The following AGAP3 variants were observed in gnomAD, a reference collection of about 807,000 sequenced individuals.
AGAP3 encodes the protein ArfGAP with GTPase domain, ankyrin repeat and PH domain 3.
Under a neutral mutation model 96.9 loss-of-function variants are expected in AGAP3, and 24 were observed. The observed-to-expected ratio is 0.25, with a 90% CI of 0.18 to 0.35. AGAP3 has a LOEUF of 0.35. Ranked by LOEUF, AGAP3 falls within the 10% of genes least tolerant of loss-of-function variation. The probability of loss-of-function intolerance (pLI) is 1.00; values close to 1 mark genes in which losing one functional copy is unlikely to be tolerated. For synonymous variants in AGAP3, 563 were observed against 536.1 expected, an observed-to-expected ratio of 1.05 and a Z score of -0.69; for missense variants, 876 against 1,254.2, an observed-to-expected ratio of 0.70 and a Z score of 4.55.
intron 1 of AGAP3, chr7:151,115,037 G>C: frequency 1.0e-6 from 1 of 995,976 alleles, no homozygotes; most frequent in Admixed American, 6.1e-5. Context: ...GCCGGGGCCT[G>C]GCGCCCTCGG....
At position 151,143,805 on chromosome 7, in the gene AGAP3, C is replaced by G. The variant is rs372921776; in HGVS notation, c.2598C>G (p.Gly866=). The change falls in exon 18 of 18, where the codon GGC becomes GGG. Residue 866 remains glycine (G), a synonymous_variant. Coordinates refer to ENST00000397238, the MANE Select transcript of AGAP3 (RefSeq NM_031946.7). This position sits in a 1 kb window ranked among gnomAD's most constrained non-coding sequence, Gnocchi z 5.9. ...CACTGGCATATGCTCGCCGGGCCGG[C>G]AGCCAGGAGTGTGCAGACATCTTGA... ...LTPLAYARRA[G]SQECADILIQ... is the part of the protein sequence containing the mutation. The G allele has an allele frequency of 5.1e-5, 83 of 1,614,008 alleles. No individual in the cohort carries two copies. The highest frequency in any genetic ancestry group is 6.3e-5 in the Non-Finnish European group (74 of 1,180,050).
chr7:151,123,647 C>G (rs1800025813), intron 8 of AGAP3, 147 bp from the exon 9 acceptor site: 1 of 1,494,000 alleles, frequency 6.7e-7, no homozygotes, highest in Non-Finnish European at 8.9e-7. Flanking sequence ...CTCGTGGTCT[C>G]AGTTCCTTCC....
intron 3 of AGAP3, 85 bp from the exon 4 acceptor site, chr7:151,117,286 C>T (rs1261379388): frequency 3.1e-6 from 5 of 1,596,528 alleles, no homozygotes; most frequent in Non-Finnish European, 4.3e-6. Context: ...AGTCCTCTTC[C>T]CTCCCGCATG....
intron 12 of AGAP3, 109 bp downstream of exon 12, chr7:151,138,422 G>A (rs935287248): frequency 5.3e-6 from 7 of 1,315,226 alleles, no homozygotes; most frequent in African/African-American, 1.5e-5. Flanking sequence ...ACAGTGTCCA[G>A]GCCAAGGGGT....
Position 151,139,963 on chromosome 7 carries a change from A to C in AGAP3, c.1667-16A>C, listed in dbSNP as rs202139525. ...CCTCCCTTCTTCCCACACTTCTCCA[A>C]CTCTCCCCTCACCAGCCAGTGGCCC... On this transcript the variant is annotated splice_polypyrimidine_tract_variant and intron_variant, in intron 12 of 17. Coordinates refer to ENST00000397238, the MANE Select transcript of AGAP3 (RefSeq NM_031946.7). This position sits in a 1 kb window ranked among gnomAD's most constrained non-coding sequence, Gnocchi z 4.9. 2.2e-4 allele frequency: 331 copies of C among 1,517,960 alleles called. No homozygotes were observed. In the East Asian group the frequency reaches 8.5e-3, roughly 39 times the overall value. 94.0% of individuals were successfully genotyped at this position (1,517,960 alleles called of 1,614,324 possible).
chr7:151,117,590 T>C, intron 4 of AGAP3, 46 bp from the exon 5 acceptor site: 1 of 1,612,198 alleles, frequency 6.2e-7, no homozygotes, highest in Non-Finnish European at 8.5e-7. Context: ...GCATGGGAGT[T>C]TGCCAGGTCC....
At chr7:151,124,956 GC>G (rs1477941519) in intron 9 of AGAP3, among the ~76,000 whole-genome samples, 1 of 152,234 alleles carries the variant, frequency 6.6e-6, no homozygotes, top group Non-Finnish European at 1.5e-5. Flanking sequence ...CCCCAGTTGG[GC>G]CAGACTACTG....
At chr7:151,120,383 C>T in intron 8 of AGAP3, 1 of 654,896 alleles carries the variant, frequency 1.5e-6, no homozygotes, top group Non-Finnish European at 2.7e-6. Flanking sequence ...TCCCCACAGT[C>T]CTCCCTGCCC....
At position 151,118,428 on chromosome 7, in the gene AGAP3, T is replaced by C; in HGVS notation, c.842-77T>C. The C allele has an allele frequency of 6.3e-7, 1 of 1,599,442 alleles. No individual in the cohort carries two copies. The highest frequency in any genetic ancestry group is 8.6e-7 in the Non-Finnish European group (1 of 1,168,860). On this transcript the variant is annotated intron_variant, in intron 6 of 17. Transcript: ENST00000397238. This position sits in a 1 kb window ranked among gnomAD's most constrained non-coding sequence, Gnocchi z 6.1. ...AAGGCTCCCAGTGAGAGCAAGGCTG[T>C]GTGTCTGGGGGGAGGTGCTAAGCCA...
Position 151,140,424 on chromosome 7 carries a change from C to CTG in AGAP3, c.1804+310_1804+311dup, listed in dbSNP as rs771957278. ...GATGTTCGGGCAGGACCTGTGTTTT[C>CTG]TGTCTCTTGTGTCATACCGAGTTTA... On this transcript the variant is annotated intron_variant, in intron 13 of 17. Coordinates refer to ENST00000397238, the MANE Select transcript of AGAP3 (RefSeq NM_031946.7). This position sits in a 1 kb window ranked among gnomAD's most constrained non-coding sequence, Gnocchi z 5.4. The CTG allele has an allele frequency of 1.5e-4, 31 of 211,932 alleles. No individual in the cohort carries two copies. The highest frequency in any genetic ancestry group is 1.6e-3 in the Middle Eastern group (1 of 616). 13.1% of individuals were successfully genotyped at this position (211,932 alleles called of 1,614,324 possible).
intron 1 of AGAP3, among the ~76,000 whole-genome samples, chr7:151,094,552 C>T (rs751666074): frequency 6.6e-6 from 1 of 151,832 alleles, no homozygotes; most frequent in Non-Finnish European, 1.5e-5. Context: ...TGATCACTAG[C>T]TATTTCATTA....
chr7:151,137,692 C>T (rs574146827), intron 11 of AGAP3: 1 of 163,116 alleles, frequency 6.1e-6, no homozygotes, highest in South Asian at 2.0e-4. Context: ...ACTAATTAGA[C>T]ATAATTACTT....
chr7:151,134,185 C>A (rs1019105416), intron 10 of AGAP3, among the ~76,000 whole-genome samples: 7 of 152,170 alleles, frequency 4.6e-5, no homozygotes, highest in African/African-American at 1.7e-4. Flanking sequence ...ACTCTACCTC[C>A]CTCCTGGCAG....
chr7:151,123,842 A>G lies in AGAP3; in HGVS notation c.1177A>G (p.Lys393Glu), dbSNP rs1235466450. The G allele has an allele frequency of 6.2e-7, 1 of 1,612,346 alleles. No homozygotes were observed. The highest frequency in any genetic ancestry group is 1.3e-5 in the African/African-American group (1 of 75,028). ...LDREKKAAEC[K>E]VDSIGSGRAI... ...CCGGGAGAAGAAGGCTGCCGAGTGC[A>G]AGGTGGACAGCATCGGGAGCGGCCG... The change falls in exon 9 of 18, where the codon AAG (lysine) becomes GAG (glutamate). Residue 393 changes from lysine (K) to glutamate (E), a missense_variant. Transcript: ENST00000397238.
intron 9 of AGAP3, 25 bp downstream of exon 9, chr7:151,123,911 T>C (rs1289518845): frequency 1.3e-6 from 2 of 1,597,178 alleles, no homozygotes; most frequent in Non-Finnish European, 1.7e-6. Flanking sequence ...TCCCGTGTGC[T>C]CCAGGGCTCA....
rs773884793 is a variant in AGAP3, at chr7:151,086,911, C to A, written c.170C>A (p.Pro57His). The A allele has an allele frequency of 1.2e-5, 19 of 1,524,718 alleles. No individual in the cohort carries two copies. Among genetic ancestry groups the A allele is most frequent in the Non-Finnish European group, 9.7e-6 (11 of 1,135,090 alleles). 94.4% of individuals were successfully genotyped at this position (1,524,718 alleles called of 1,614,324 possible). ...GGPSQQLAGG[P>H]PQQFALSNSA... Reference sequence around the variant, plus strand: ...CCCTCGCAGCAGCTGGCCGGCGGGCCCCCCCAGCAGTTCGCGCTCTCCAAC... The same window carrying A: ...CCCTCGCAGCAGCTGGCCGGCGGGCACCCCCAGCAGTTCGCGCTCTCCAAC... The change falls in exon 1 of 18, where the codon CCC becomes CAC. Residue 57 changes from proline (P) to histidine (H), a missense_variant. Coordinates refer to ENST00000397238, the MANE Select transcript of AGAP3 (RefSeq NM_031946.7).
In AGAP3 at chr7:151,118,614, G is replaced by A. The variant is rs201733562; in HGVS notation, c.951G>A (p.Pro317=). The part of the protein sequence containing the change: ...SHSAVSAASI[P]AVHINQATNG... ...CGGCCGTGTCCGCCGCCTCCATCCCGGCCGTGCACATCAACCAGGTTCGGC... is the reference window on the plus strand; with the variant it reads ...CGGCCGTGTCCGCCGCCTCCATCCCAGCCGTGCACATCAACCAGGTTCGGC... Residue 317 remains proline, a synonymous_variant, in exon 7 of 18, where the codon CCG becomes CCA. Coordinates refer to ENST00000397238, the MANE Select transcript of AGAP3 (RefSeq NM_031946.7). This position sits in a 1 kb window ranked among gnomAD's most constrained non-coding sequence, Gnocchi z 6.1. 1.4e-5 allele frequency: 23 copies of A among 1,613,436 alleles called. No individual in the cohort carries two copies. Among genetic ancestry groups the A allele is most frequent in the African/African-American group, 1.2e-4 (9 of 75,000 alleles).
chr7:151,102,485 T>C (rs1798870131), intron 1 of AGAP3, among the ~76,000 whole-genome samples: 1 of 151,264 alleles, frequency 6.6e-6, no homozygotes, highest in Admixed American at 6.6e-5. Context: ...AGAATGGTAG[T>C]GTGGTTGCTC....
intron 7 of AGAP3, 32 bp from the exon 8 acceptor site, chr7:151,119,955 G>A (rs1451563099): frequency 6.2e-7 from 1 of 1,610,208 alleles, no homozygotes; most frequent in South Asian, 1.1e-5. Flanking sequence ...CCCTGACCCG[G>A]AGCTGCCCTC....
Sources: allele counts gnomAD v4.1 joint callset (sites outside exome capture counted in the v4.1 genomes callset), GRCh38; gene constraint gnomAD v4.1.1; non-coding constraint Gnocchi (gnomAD v3.1); transcripts MANE v1.5; gene names NCBI Gene and HGNC (gene_info 2026-07-23, HGNC 2026-07-21).